The following DIAPH2 variants were observed in gnomAD, a reference collection of about 807,000 sequenced individuals.
DIAPH2 encodes protein diaphanous homolog 2.
DIAPH2 carries 35 observed loss-of-function variants against 92.7 expected under a neutral mutation model. That is an observed-to-expected ratio of 0.38 (90% CI 0.29 to 0.50). The LOEUF is 0.50. Among genes scored for constraint, DIAPH2 ranks in the 20% least tolerant of loss-of-function variants. The pLI is 0.94. For missense variants in DIAPH2, 701 were observed against 819.5 expected (o/e 0.86, Z 1.77); for synonymous variants, 301 against 280.4 (o/e 1.07, Z -0.73).
At chrX:96,718,332 C>CTTTT (rs1569373693) in intron 1 of DIAPH2, among the ~76,000 whole-genome samples, 2 of 6,829 alleles carry the variant, frequency 2.9e-4, no homozygotes, top group East Asian at 7.9e-3. Flanking sequence ...ACCACATTTT[C>CTTTT]TTTGTTTTTT....
intron 1 of DIAPH2, among the ~76,000 whole-genome samples, chrX:96,727,446 C>A (rs190918814): frequency 4.7e-4 from 52 of 111,407 alleles, no homozygotes; most frequent in African/African-American, 1.6e-3. Flanking sequence ...AATTTAATAC[C>A]CTTGTACTTG....
At chrX:97,461,596 A>G (rs1191921781) in intron 26 of DIAPH2, among the ~76,000 whole-genome samples, 1 of 111,620 alleles carries the variant, frequency 9.0e-6, no homozygotes, top group Non-Finnish European at 1.9e-5. Context: ...TCAGCATTAT[A>G]AAATAGGAAG....
chrX:97,272,448 T>C (rs2068397556), intron 23 of DIAPH2, among the ~76,000 whole-genome samples: 1 of 112,213 alleles, frequency 8.9e-6, no homozygotes, highest in Admixed American at 9.5e-5. Flanking sequence ...AAGAAAACTT[T>C]AATGTAGCAT....
At chrX:97,516,262 AT>A (rs1247826854) in intron 26 of DIAPH2, among the ~76,000 whole-genome samples, 2 of 110,830 alleles carry the variant, frequency 1.8e-5, no homozygotes, top group African/African-American at 3.3e-5. Context: ...CTCAAAAAAA[AT>A]AATAAATAAA....
intron 23 of DIAPH2, among the ~76,000 whole-genome samples, chrX:97,321,316 G>A (rs1191476979): frequency 9.1e-6 from 1 of 110,330 alleles, no homozygotes; most frequent in Non-Finnish European, 1.9e-5. Flanking sequence ...AATGCAGGTA[G>A]CATATGATAT....
chrX:97,162,831 C>CT (rs1276417098), intron 22 of DIAPH2, among the ~76,000 whole-genome samples: 1 of 111,215 alleles, frequency 9.0e-6, no homozygotes, highest in African/African-American at 3.3e-5. Context: ...TCTATTCATT[C>CT]TTTTTTTTCC....
chrX:97,335,199 T>C (rs1277765150), intron 23 of DIAPH2, among the ~76,000 whole-genome samples: 1 of 110,542 alleles, frequency 9.0e-6, no homozygotes, highest in Non-Finnish European at 1.9e-5. Flanking sequence ...ACAAAGCTTG[T>C]TAAGCATTTA....
rs770303781 is a variant in DIAPH2 at position 97,351,789 on chromosome X, A to C, written c.3009+3509A>C. On this transcript the variant is annotated intron_variant, in intron 24 of 26. Transcript: ENST00000324765. ...CTGTACTCCAGCCTGGGCGACAGAG[A>C]GAGACTCCGTCTCAAAACAAAACAA... 2.8e-4 allele frequency among the ~76,000 whole-genome samples: 31 copies of C among 110,634 alleles called. 1 individual carries two copies. Among genetic ancestry groups the C allele is most frequent in the South Asian group, 7.6e-4 (2 of 2,623 alleles).
intron 23 of DIAPH2, among the ~76,000 whole-genome samples, chrX:97,342,243 T>TA (rs1003948775): frequency 8.9e-6 from 1 of 112,241 alleles, no homozygotes; most frequent in Non-Finnish European, 1.9e-5. Flanking sequence ...TTAAGATTCA[T>TA]AAAAGGGATT....
intron 22 of DIAPH2, among the ~76,000 whole-genome samples, chrX:97,157,103 T>C (rs1376469330): frequency 2.7e-5 from 3 of 110,623 alleles, no homozygotes; most frequent in Non-Finnish European, 5.7e-5. Context: ...TCACTTGAGG[T>C]TGAGACTTCA....
intron 23 of DIAPH2, among the ~76,000 whole-genome samples, chrX:97,334,427 C>T (rs2069031050): frequency 1.0e-5 from 1 of 98,414 alleles, no homozygotes; most frequent in Non-Finnish European, 2.0e-5. Context: ...CGCGCCACTG[C>T]ACTCCAGTCT....
At chrX:97,161,443 C>T (rs997279662) in intron 22 of DIAPH2, among the ~76,000 whole-genome samples, 5 of 110,185 alleles carry the variant, frequency 4.5e-5, no homozygotes, top group African/African-American at 1.7e-4. Flanking sequence ...CTCTGTCACC[C>T]AGGCTGGAGT....
In DIAPH2 at chrX:97,292,069, G is replaced by A. The variant is rs1419531863; in HGVS notation, c.2844+44230G>A. On this transcript the variant is annotated intron_variant, in intron 23 of 26. Transcript: ENST00000324765. ...CTAGTTTTATTAGCTACTTATAGAA[G>A]CAATTTTTTTTTTTTTTTTTTGAGA... is the stretch of plus-strand genomic sequence containing the variant. Among the ~76,000 whole-genome samples, 3 of 74,331 alleles carry A rather than the reference G, an allele frequency of 4.0e-5. No individual in the cohort carries two copies. The East Asian group carries it at 1.6e-3, about 40-fold the overall frequency. 64.5% of individuals were successfully genotyped at this position (74,331 alleles called of 115,157 possible).
intron 24 of DIAPH2, among the ~76,000 whole-genome samples, chrX:97,353,648 C>T (rs1244853635): frequency 9.0e-6 from 1 of 111,075 alleles, no homozygotes; most frequent in African/African-American, 3.2e-5. Context: ...TGCTTTTAAT[C>T]ATGCCAGCCA....
intron 23 of DIAPH2, among the ~76,000 whole-genome samples, chrX:97,319,211 C>T (rs2068868787): frequency 8.9e-6 from 1 of 112,135 alleles, no homozygotes; most frequent in Non-Finnish European, 1.9e-5. Flanking sequence ...CTGATGCTCC[C>T]TTTCTCACTT....
chrX:96,952,064 T>A (rs2065778808), intron 15 of DIAPH2, among the ~76,000 whole-genome samples: 2 of 111,760 alleles, frequency 1.8e-5, no homozygotes, highest in Non-Finnish European at 1.9e-5. Context: ...AATTACTAAT[T>A]TTCTGAACCT....
chrX:97,490,747 C>A (rs1220638440), intron 26 of DIAPH2, among the ~76,000 whole-genome samples: 1 of 110,623 alleles, frequency 9.0e-6, no homozygotes. Context: ...TTTCTAGTTT[C>A]ATTCCACTAT....
chrX:97,094,492 A>C (rs2066851038), intron 19 of DIAPH2, among the ~76,000 whole-genome samples: 1 of 112,077 alleles, frequency 8.9e-6, no homozygotes, highest in Non-Finnish European at 1.9e-5. Context: ...TGTGTTTTTG[A>C]AAATAGTGAC....
intron 25 of DIAPH2, among the ~76,000 whole-genome samples, chrX:97,413,702 T>G (rs1028692325): frequency 8.9e-6 from 1 of 112,059 alleles, no homozygotes. Flanking sequence ...TTCAGCAAAG[T>G]TTCAGGATAG....
Sources: gnomAD v4.1 joint callset for allele counts (sites outside exome capture counted in the v4.1 genomes callset) on GRCh38, gnomAD v4.1.1 for gene constraint, MANE v1.5 for transcripts, NCBI Gene and HGNC (gene_info 2026-07-23, HGNC 2026-07-21) for gene names.